PLPP4: variants seen among roughly 807,000 people sequenced by gnomAD.
PLPP4 encodes the protein diacylglycerol pyrophosphate like 2.
Under a neutral mutation model 32.2 loss-of-function variants are expected in PLPP4, and 20 were observed. That is an observed-to-expected ratio of 0.62 (90% CI 0.44 to 0.90). The LOEUF is 0.90. Among genes scored for constraint, PLPP4 ranks in the 40% least tolerant of loss-of-function variants. The pLI is 0.00. For synonymous variants in PLPP4, 127 were observed against 133.0 expected, an observed-to-expected ratio of 0.95 and a Z score of 0.31; for missense variants, 257 against 353.1, an observed-to-expected ratio of 0.73 and a Z score of 2.18.
intron 5 of PLPP4, among the ~76,000 whole-genome samples, chr10:120,545,057 G>A (rs1331080037): frequency 2.6e-5 from 4 of 152,214 alleles, no homozygotes; most frequent in Admixed American, 2.6e-4. Context: ...GCTGATCAGA[G>A]TTCTGGCACC....
intron 1 of PLPP4, among the ~76,000 whole-genome samples, chr10:120,462,218 G>C (rs796152355): frequency 4.0e-5 from 6 of 151,456 alleles, no homozygotes; most frequent in African/African-American, 1.5e-4. Context: ...TGGCCTCAGT[G>C]TGGGCTTTGG....
intron 5 of PLPP4, among the ~76,000 whole-genome samples, chr10:120,538,044 CTCTCTCTCTG>C (rs1847136836): frequency 6.4e-5 from 2 of 31,216 alleles, no homozygotes; most frequent in African/African-American, 1.3e-4. Context: ...CTCTCTCTCT[CTCTCTCTCTG>C]TGTGTGTGTG....
rs559039770 is a variant in PLPP4, at chr10:120,470,498, G to A, written c.56+13137G>A. Among the ~76,000 whole-genome samples, 46 of 152,144 alleles carry A rather than the reference G, an allele frequency of 3.0e-4. No individual in the cohort carries two copies. In the South Asian group the frequency reaches 8.1e-3, roughly 27 times the overall value. On this transcript the variant is annotated intron_variant, in intron 1 of 6. Coordinates refer to ENST00000398250, the MANE Select transcript of PLPP4 (RefSeq NM_001030059.3). ...CAGTTTCAGTCCTATTTAGAAAGTC[G>A]TTTCCCACCCAAAACATAAATATTC...
intron 5 of PLPP4, among the ~76,000 whole-genome samples, chr10:120,528,836 G>T (rs1321597983): frequency 6.6e-6 from 1 of 152,150 alleles, no homozygotes. Flanking sequence ...AGCCTTTTTA[G>T]ATTTTTAAAA....
intron 1 of PLPP4, among the ~76,000 whole-genome samples, chr10:120,465,671 A>C (rs771939932): frequency 6.6e-6 from 1 of 152,198 alleles, no homozygotes; most frequent in South Asian, 2.1e-4. Context: ...TAAAACTGGG[A>C]ATTTCATTCA....
At chr10:120,568,175 G>T (rs933363240) in intron 5 of PLPP4, among the ~76,000 whole-genome samples, 6 of 152,162 alleles carry the variant, frequency 3.9e-5, no homozygotes, top group Non-Finnish European at 8.8e-5. Flanking sequence ...TGGGCCATGT[G>T]GCCAGCACCC....
chr10:120,577,106 G>A (rs1041020304), intron 6 of PLPP4, among the ~76,000 whole-genome samples: 4 of 152,212 alleles, frequency 2.6e-5, no homozygotes, highest in East Asian at 1.9e-4. Context: ...CACATGCAAA[G>A]TGGTATCATT....
chr10:120,462,744 C>T (rs868466091), intron 1 of PLPP4, among the ~76,000 whole-genome samples: 10 of 152,078 alleles, frequency 6.6e-5, no homozygotes, highest in Non-Finnish European at 1.0e-4. Flanking sequence ...GATCGAGGCC[C>T]GCAGAATCTG....
intron 1 of PLPP4, among the ~76,000 whole-genome samples, chr10:120,466,507 C>T (rs1055398271): frequency 2.6e-5 from 4 of 152,088 alleles, no homozygotes; most frequent in Admixed American, 1.3e-4. Context: ...ACACGCTTTA[C>T]GGCTCCATTT....
chr10:120,483,492 C>T (rs1026333896), intron 1 of PLPP4, among the ~76,000 whole-genome samples: 2 of 152,208 alleles, frequency 1.3e-5, no homozygotes, highest in African/African-American at 4.8e-5. Context: ...ATGTCCCAGG[C>T]ATACACTGAG....
rs111726284 is a variant in PLPP4 at position 120,515,162 on chromosome 10, G to A, written c.256+1161G>A. The stretch of plus-strand genomic sequence containing the variant: ...TCAAATTAGCTCAAATAAATTAGGG[G>A]TTTAATTACAGGGCTCTGATAAGCA... On this transcript the variant is annotated intron_variant, in intron 3 of 6. Transcript: ENST00000398250. 8.6e-3 allele frequency among the ~76,000 whole-genome samples: 1,305 copies of A among 152,198 alleles called. 12 individuals are homozygous for A. Among genetic ancestry groups the A allele is most frequent in the Admixed American group, 0.013 (199 of 15,296 alleles).
At chr10:120,576,465 G>A (rs1310215372) in intron 6 of PLPP4, among the ~76,000 whole-genome samples, 1 of 152,200 alleles carries the variant, frequency 6.6e-6, no homozygotes. Context: ...CTAGCTGAGA[G>A]CCCCTCCTTC....
intron 5 of PLPP4, among the ~76,000 whole-genome samples, chr10:120,544,290 A>G (rs1847506623): frequency 6.6e-6 from 1 of 152,130 alleles, no homozygotes; most frequent in Non-Finnish European, 1.5e-5. Context: ...AATTTTTTTT[A>G]TAGTGGACTC....
intron 1 of PLPP4, among the ~76,000 whole-genome samples, chr10:120,475,012 C>T (rs1247288277): frequency 6.6e-6 from 1 of 152,056 alleles, no homozygotes; most frequent in Non-Finnish European, 1.5e-5. Context: ...AAACAATTTA[C>T]ACCAGATTTG....
intron 5 of PLPP4, among the ~76,000 whole-genome samples, chr10:120,542,961 G>C (rs1847422735): frequency 6.6e-6 from 1 of 152,226 alleles, no homozygotes; most frequent in East Asian, 1.9e-4. Flanking sequence ...GCTGCTCCAA[G>C]AAATGTGTCA....
intron 2 of PLPP4, among the ~76,000 whole-genome samples, chr10:120,511,408 T>C (rs942042666): frequency 6.6e-6 from 1 of 152,206 alleles, no homozygotes; most frequent in Non-Finnish European, 1.5e-5. Flanking sequence ...CATACTTTTT[T>C]CTGGGGTTTC....
chr10:120,589,293 T>G lies in PLPP4; in HGVS notation c.617-10T>G. 1 of 1,613,982 alleles carries G rather than the reference T, an allele frequency of 6.2e-7. No homozygotes were observed. The highest frequency in any genetic ancestry group is 8.5e-7 in the Non-Finnish European group (1 of 1,179,838). ...AACCCATTTTTCCTGCTCTGCTGTT[T>G]CCTGCCTAGATTCCTTTGTGGGTGG... On this transcript the variant is annotated splice_polypyrimidine_tract_variant and intron_variant, in intron 6 of 6. Transcript: ENST00000398250.
chr10:120,582,349 T>G (rs901176376), intron 6 of PLPP4, among the ~76,000 whole-genome samples: 2 of 152,152 alleles, frequency 1.3e-5, no homozygotes, highest in African/African-American at 4.8e-5. Flanking sequence ...TCTCTGCCTC[T>G]CTCTTCCCAT....
Position 120,486,338 on chromosome 10 carries a change from C to T in PLPP4, c.57-17480C>T, listed in dbSNP as rs61026502. On this transcript the variant is annotated intron_variant, in intron 1 of 6. Coordinates refer to ENST00000398250, the MANE Select transcript of PLPP4 (RefSeq NM_001030059.3). ...GGGAGACATGGACTCGCCCTGCCTC[C>T]GCCTCCATGTCTACTGTCCCCTAGA... 6.8e-3 allele frequency among the ~76,000 whole-genome samples: 1,027 copies of T among 152,104 alleles called. 16 individuals carry two copies. The highest frequency in any genetic ancestry group is 0.023 in the African/African-American group (950 of 41,476).
Sources: allele counts gnomAD v4.1 joint callset (sites outside exome capture counted in the v4.1 genomes callset), GRCh38; gene constraint gnomAD v4.1.1; transcripts MANE v1.5; gene names NCBI Gene and HGNC (gene_info 2026-07-23, HGNC 2026-07-21).